Variants in BACH1 observed in about 807,000 individuals in gnomAD.
BACH1 encodes the protein transcription regulator protein BACH1.
In BACH1, 35 loss-of-function variants were observed where a neutral mutation model predicts 52.9. The observed-to-expected ratio is 0.66, with a 90% CI of 0.51 to 0.88. The LOEUF is 0.88. Ranked by LOEUF, BACH1 falls within the 40% of genes least tolerant of loss-of-function variation. BACH1 has a pLI of 0.00. For missense variants in BACH1, 808 were observed against 872.6 expected, an observed-to-expected ratio of 0.93 and a Z score of 0.93; for synonymous variants, 321 against 319.6, an observed-to-expected ratio of 1.00 and a Z score of -0.05.
rs888752940 is a variant in BACH1 at position 29,339,884 on chromosome 21, C to T, written c.1777-2515C>T. On this transcript the variant is annotated intron_variant, in intron 4 of 4. Transcript: ENST00000286800. ...CTCCTGACCTCACATGACCCGCCCA[C>T]CTCAGCCTCCCAAAGTGCTGGGATT... Among the ~76,000 whole-genome samples, 118 of 152,280 alleles carry T rather than the reference C, an allele frequency of 7.7e-4. 1 individual carries two copies. Among genetic ancestry groups the T allele is most frequent in the African/African-American group, 2.7e-3 (113 of 41,544 alleles).
rs146756190 is a variant in BACH1 at position 29,328,717 on chromosome 21, A to G, written c.1570-770A>G. On this transcript the variant is annotated intron_variant, in intron 3 of 4. Coordinates refer to ENST00000286800, the MANE Select transcript of BACH1 (RefSeq NM_001186.4). ...AATTCCCCATTTTTTCCCTCTCCCT[A>G]GCCCCTGGCAACCACCATTCTACTC... 1.9e-3 allele frequency among the ~76,000 whole-genome samples: 295 copies of G among 152,116 alleles called. 2 individuals carry two copies. The East Asian group carries it at 0.049, about 25-fold the overall frequency.
intron 2 of BACH1, among the ~76,000 whole-genome samples, chr21:29,321,905 G>A (rs530426073): frequency 2.0e-5 from 3 of 152,124 alleles, no homozygotes; most frequent in East Asian, 1.9e-4. Context: ...TTCTCGTGGC[G>A]CTAATAAAGA....
chr21:29,338,310 T>C, intron 4 of BACH1, among the ~76,000 whole-genome samples: 1 of 152,348 alleles, frequency 6.6e-6, no homozygotes, highest in East Asian at 1.9e-4. Context: ...TTTAAAGTTA[T>C]TTGAAATATT....
intron 4 of BACH1, among the ~76,000 whole-genome samples, chr21:29,333,028 A>G (rs1465674873): frequency 6.6e-6 from 1 of 152,198 alleles, no homozygotes; most frequent in Non-Finnish European, 1.5e-5. Flanking sequence ...AGTCCTTCAC[A>G]CTGCTCTCAG....
chr21:29,309,257 CAAA>C (rs3054257), intron 1 of BACH1, among the ~76,000 whole-genome samples: 7 of 91,804 alleles, frequency 7.6e-5, no homozygotes, highest in Admixed American at 1.1e-4. Flanking sequence ...GACTCTGTCT[CAAA>C]AAAAAAAAAA....
chr21:29,348,082 T>C (rs2089180560), downstream of BACH1, among the ~76,000 whole-genome samples: 1 of 152,108 alleles, frequency 6.6e-6, no homozygotes, highest in Admixed American at 6.6e-5. Context: ...TCCACCTGAG[T>C]TCGAAGTACA....
Position 29,327,091 on chromosome 21 carries a change from G to C in BACH1, c.1267G>C (p.Asp423His). ...QMQLSPAVAK[D>H]GSEQISQKRS... ...GCAGTTATCACCTGCTGTGGCCAAA[G>C]ATGGCTCAGAACAGATCTCACAGAA... Residue 423 changes from aspartate (D) to histidine (H), a missense_variant, in exon 3 of 5, where the codon GAT becomes CAT. Transcript: ENST00000286800. The C allele has an allele frequency of 1.2e-6, 2 of 1,614,218 alleles. No homozygotes were observed. Among genetic ancestry groups the C allele is most frequent in the South Asian group, 1.1e-5 (1 of 91,078 alleles).
chr21:29,310,712 C>A (rs1153284), intron 1 of BACH1, among the ~76,000 whole-genome samples: 96,760 of 152,152 alleles, frequency 0.64, 31,925 homozygotes, highest in East Asian at 0.86. Context: ...AACTTGTTAA[C>A]TATTGCTGAG....
At chr21:29,321,817 G>A (rs924190818) in intron 2 of BACH1, among the ~76,000 whole-genome samples, 1 of 151,996 alleles carries the variant, frequency 6.6e-6, no homozygotes, top group Admixed American at 6.6e-5. Context: ...TCATGGTTTT[G>A]AGAGTCTGTG....
At chr21:29,317,543 A>C (rs2088801698) in intron 1 of BACH1, among the ~76,000 whole-genome samples, 2 of 152,166 alleles carry the variant, frequency 1.3e-5, no homozygotes, top group South Asian at 4.1e-4. Flanking sequence ...GTGAGGCTAG[A>C]GAATAGCAAG....
chr21:29,350,125 C>T (rs976182574), downstream of BACH1, among the ~76,000 whole-genome samples: 5 of 152,132 alleles, frequency 3.3e-5, no homozygotes, highest in African/African-American at 9.7e-5. Flanking sequence ...CCCAGACCAA[C>T]GTCACTCCTG....
chr21:29,308,439 C>A (rs1260875629), intron 1 of BACH1, among the ~76,000 whole-genome samples: 1 of 152,126 alleles, frequency 6.6e-6, no homozygotes, highest in Non-Finnish European at 1.5e-5. Flanking sequence ...GATTGCCCTA[C>A]GGTAACTTCT....
At chr21:29,318,256 A>G (rs2088810428) in intron 1 of BACH1, among the ~76,000 whole-genome samples, 2 of 152,198 alleles carry the variant, frequency 1.3e-5, no homozygotes, top group Non-Finnish European at 2.9e-5. Flanking sequence ...GATGGCTTGG[A>G]TTAGAGTTGT....
chr21:29,325,384 G>A (rs1010331293), intron 2 of BACH1, among the ~76,000 whole-genome samples: 4 of 152,150 alleles, frequency 2.6e-5, no homozygotes, highest in Admixed American at 2.0e-4. Flanking sequence ...CAGGTTTAAT[G>A]TAAATGTGCA....
Position 29,342,660 on chromosome 21 carries a change from C to T in BACH1, c.2038C>T (p.Leu680=), listed in dbSNP as rs747643965. 12 of 1,614,124 alleles carry T rather than the reference C, an allele frequency of 7.4e-6. No individual in the cohort carries two copies. In the Admixed American group the frequency reaches 1.2e-4, roughly 16 times the overall value. The part of the protein sequence containing the change: ...FSLSDRPPAV[L]PPCARGNSEP... ...TTTATCTGACCGGCCTCCAGCAGTG[C>T]TGCCTCCCTGTGCCAGAGGAAACAG... is the stretch of plus-strand genomic sequence containing the variant. The change falls in exon 5 of 5, where the codon CTG becomes TTG. Residue 680 remains leucine, a synonymous_variant. Coordinates refer to ENST00000286800, the MANE Select transcript of BACH1 (RefSeq NM_001186.4).
rs1195237677 is a variant in BACH1, at chr21:29,342,967, T to C, written c.*134T>C. On this transcript the variant is annotated 3_prime_UTR_variant, in exon 5 of 5. Transcript: ENST00000286800. ...AGTAGTTTACCATAAGGGAATTTCC[T>C]TTAAGTCAACCATGATTTCTCCTTG... 6 of 863,358 alleles carry C rather than the reference T, an allele frequency of 6.9e-6. No homozygotes were observed. The highest frequency in any genetic ancestry group is 1.0e-5 in the Non-Finnish European group (6 of 601,898). The allele number at this position is 863,358 out of a possible 1,614,324, so 53.5% of individuals were successfully genotyped here.
At chr21:29,317,502 T>C (rs2088801219) in intron 1 of BACH1, among the ~76,000 whole-genome samples, 1 of 152,162 alleles carries the variant, frequency 6.6e-6, no homozygotes, top group African/African-American at 2.4e-5. Context: ...CAGTAGGAGC[T>C]TGGGGCCTGT....
At chr21:29,322,164 G>T (rs1056367273) in intron 2 of BACH1, among the ~76,000 whole-genome samples, 10 of 152,058 alleles carry the variant, frequency 6.6e-5, no homozygotes, top group African/African-American at 2.4e-4. Flanking sequence ...ACCTCCCATT[G>T]GGTCCCTCCC....
downstream of BACH1, among the ~76,000 whole-genome samples, chr21:29,347,366 G>A (rs1337581723): frequency 6.6e-6 from 1 of 152,158 alleles, no homozygotes; most frequent in East Asian, 1.9e-4. Flanking sequence ...GTAAGGGGTG[G>A]GCCGAGCCAA....
Sources: gnomAD v4.1 joint callset for allele counts (sites outside exome capture counted in the v4.1 genomes callset) on GRCh38, gnomAD v4.1.1 for gene constraint, MANE v1.5 for transcripts, NCBI Gene and HGNC (gene_info 2026-07-23, HGNC 2026-07-21) for gene names.